SEC16A: variants seen among roughly 807,000 people sequenced by gnomAD.
The protein encoded by SEC16A is protein transport protein Sec16A.
SEC16A carries 110 observed loss-of-function variants against 221.9 expected under a neutral mutation model. The observed-to-expected ratio is 0.50, with a 90% confidence interval of 0.42 to 0.58. SEC16A has a LOEUF of 0.58. Among genes scored for constraint, SEC16A ranks in the 20% least tolerant of loss-of-function variants. SEC16A has a pLI of 0.00. For synonymous variants in SEC16A, 1,393 were observed against 1,257.7 expected, an observed-to-expected ratio of 1.11 and a Z score of -2.28; for missense variants, 3,165 against 3,097.8, an observed-to-expected ratio of 1.02 and a Z score of -0.52.
rs772266618 is a variant in SEC16A at position 136,446,966 on chromosome 9, G to A, written c.6698-17C>T. The A allele has an allele frequency of 2.6e-5, 42 of 1,613,324 alleles. No individual in the cohort carries two copies. In the South Asian group the frequency reaches 3.5e-4, roughly 13 times the overall value. On this transcript the variant is annotated splice_polypyrimidine_tract_variant and intron_variant, in intron 27 of 31. Transcript: ENST00000684901. ...CTTCTGCATCTGGGGATGAGAGAGC[G>A]AGGAGGCCATCATTCCGTCCCGAAC...
At chr9:136,445,911 T>A (rs1836909904) in intron 28 of SEC16A, among the ~76,000 whole-genome samples, 192 bp from the exon 29 acceptor site, 1 of 152,192 alleles carries the variant, frequency 6.6e-6, no homozygotes, top group African/African-American at 2.4e-5. Flanking sequence ...TCTAGACCCC[T>A]GCAGCTCTCT....
Position 136,474,345 on chromosome 9 carries a change from C to A in SEC16A, c.3271G>T (p.Gly1091Ter). 6.2e-7 allele frequency: 1 copy of A among 1,612,542 alleles called. No individual in the cohort carries two copies. The highest frequency in any genetic ancestry group is 8.5e-7 in the Non-Finnish European group (1 of 1,179,702). Reference sequence around the variant, plus strand: ...GACTGTGCTGAGTTCTGGGCCTGTCCCTGTGCGGGCAGACTTTCTGGATTT... The same window carrying A: ...GACTGTGCTGAGTTCTGGGCCTGTCACTGTGCGGGCAGACTTTCTGGATTT... Reference protein sequence around the residue: ...LSNPESLPAQGQAQNSAQSPA... With the variant: ...LSNPESLPAQ Residue 1091 changes from glycine to a stop codon, truncating the protein, a stop_gained, in exon 3 of 32, where the codon GGA becomes TGA. Coordinates refer to ENST00000684901, the MANE Select transcript of SEC16A (RefSeq NM_014866.2). LOFTEE classifies it high-confidence loss of function.
intron 23 of SEC16A, among the ~76,000 whole-genome samples, chr9:136,450,842 A>G (rs2131971783): frequency 6.6e-6 from 1 of 152,360 alleles, no homozygotes; most frequent in African/African-American, 2.4e-5. Flanking sequence ...CGCATTCGCC[A>G]ATAGATAGGC....
In SEC16A at chr9:136,445,072, C is replaced by T; in HGVS notation, c.6907G>A (p.Val2303Met). The T allele has an allele frequency of 6.2e-7, 1 of 1,607,604 alleles. No individual in the cohort carries two copies. The change falls in exon 30 of 32, where the codon GTG (valine) becomes ATG (methionine). Residue 2303 changes from valine to methionine, a missense_variant. Physicochemically the swap from Val to Met is conservative, Grantham distance 21. Coordinates refer to ENST00000684901, the MANE Select transcript of SEC16A (RefSeq NM_014866.2). ...GGTACCTGATTAAAATGCTGGCTCA[C>T]TTCACGTGATAATGAACTCATTGAA... ...CSSMSSLSRE[V>M]SQHFNQAPGD...
In SEC16A at chr9:136,475,668, C is replaced by A; in HGVS notation, c.1948G>T (p.Ala650Ser). 6.2e-7 allele frequency: 1 copy of A among 1,613,682 alleles called. No individual in the cohort carries two copies. The highest frequency in any genetic ancestry group is 8.5e-7 in the Non-Finnish European group (1 of 1,179,818). ...VRQKQCRPAA[A>S]LPDASPGNLE... Reference sequence around the variant, plus strand: ...TTGCCAGGGGAAGCATCGGGCAGGGCGGCAGCTGGTCTGCACTGCTTCTGG... The same window carrying A: ...TTGCCAGGGGAAGCATCGGGCAGGGAGGCAGCTGGTCTGCACTGCTTCTGG... The change falls in exon 3 of 32, where the codon GCC becomes TCC. Residue 650 changes from alanine (A) to serine (S), a missense_variant. Around this residue, in one of 3 missense-constraint regions of SEC16A, gnomAD observed 2,030 missense variants for 1,923.1 expected, o/e 1.06. Transcript: ENST00000684901. The surrounding 1 kb of genome is among the most constrained non-coding windows in gnomAD (Gnocchi z 5.0).
rs1156251126 is a variant in SEC16A at position 136,466,968 on chromosome 9, G to A, written c.3918C>T (p.Ala1306=). 1 of 1,613,076 alleles carries A rather than the reference G, an allele frequency of 6.2e-7. No homozygotes were observed. The highest frequency in any genetic ancestry group is 8.5e-7 in the Non-Finnish European group (1 of 1,179,666). Reference sequence around the variant, plus strand: ...GGTGCTCCACCAACCTGTCCCCGAAGGCAGAGTGCTCTCTCCTGTATGCGT... The same window carrying A: ...GGTGCTCCACCAACCTGTCCCCGAAAGCAGAGTGCTCTCTCCTGTATGCGT... ...EYDAYRREHS[A]FGDRPEKRDN... The change falls in exon 6 of 32, where the codon GCC becomes GCT. Residue 1306 remains alanine, a synonymous_variant. Transcript: ENST00000684901. The surrounding 1 kb of genome is among the most constrained non-coding windows in gnomAD (Gnocchi z 5.5).
At chr9:136,471,264 C>T (rs1209438525) in intron 4 of SEC16A, among the ~76,000 whole-genome samples, 2 of 151,482 alleles carry the variant, frequency 1.3e-5, no homozygotes, top group Non-Finnish European at 2.9e-5. Context: ...GCCAGGAGTT[C>T]GAGACCAGCC....
At position 136,476,143 on chromosome 9, in the gene SEC16A, G is replaced by T. The variant is rs765580421; in HGVS notation, c.1473C>A (p.Pro491=). The change falls in exon 3 of 32, where the codon CCC becomes CCA. Residue 491 remains proline (P), a synonymous_variant. Coordinates refer to ENST00000684901, the MANE Select transcript of SEC16A (RefSeq NM_014866.2). ...GCCTGGGCACAGCTGGCCCAGGAAG[G>T]GGCCCATATCTGAACTGGTCACTCG... is the stretch of plus-strand genomic sequence containing the variant. ...SSPSDQFRYG[P]LPGPAVPRHG... 1.1e-5 allele frequency: 17 copies of T among 1,613,840 alleles called. No individual in the cohort carries two copies. The highest frequency in any genetic ancestry group is 1.4e-5 in the Non-Finnish European group (17 of 1,179,858).
chr9:136,477,639 T>C lies in SEC16A; in HGVS notation c.-24A>G, dbSNP rs1004738852. On this transcript the variant is annotated 5_prime_UTR_variant, in exon 3 of 32. Transcript: ENST00000684901. ...ATGACTGAACCCTTGCACAAGTCGATGCTGCTTACAGAAGGAAGCAGGATA... is the reference window on the plus strand; with the variant it reads ...ATGACTGAACCCTTGCACAAGTCGACGCTGCTTACAGAAGGAAGCAGGATA... The C allele has an allele frequency of 6.3e-7, 1 of 1,576,432 alleles. No individual in the cohort carries two copies. The highest frequency in any genetic ancestry group is 1.4e-5 in the African/African-American group (1 of 73,634).
rs1841748206 is a variant in SEC16A, at chr9:136,477,104, T to C, written c.512A>G (p.His171Arg). 3 of 1,613,766 alleles carry C rather than the reference T, an allele frequency of 1.9e-6. No individual in the cohort carries two copies. The highest frequency in any genetic ancestry group is 2.5e-6 in the Non-Finnish European group (3 of 1,179,872). ...YIPGVDPETS[H>R]GGHPHGNMPG... Reference sequence around the variant, plus strand: ...CATGTTCCCATGAGGGTGGCCCCCATGAGACGTTTCAGGATCCACTCCTGG... The same window carrying C: ...CATGTTCCCATGAGGGTGGCCCCCACGAGACGTTTCAGGATCCACTCCTGG... Residue 171 changes from histidine to arginine, a missense_variant, in exon 3 of 32, where the codon CAT (histidine) becomes CGT (arginine). Around this residue, in one of 3 missense-constraint regions of SEC16A, gnomAD observed 2,030 missense variants for 1,923.1 expected, o/e 1.06. Transcript: ENST00000684901.
At position 136,447,639 on chromosome 9, in the gene SEC16A, A is replaced by G. The variant is rs1837195950; in HGVS notation, c.6489T>C (p.Thr2163=). The change falls in exon 26 of 32, where the codon ACT becomes ACC. Residue 2163 remains threonine (T), a synonymous_variant. Coordinates refer to ENST00000684901, the MANE Select transcript of SEC16A (RefSeq NM_014866.2). This position sits in a 1 kb window ranked among gnomAD's most constrained non-coding sequence, Gnocchi z 5.5. ...PPPPPTSMPK[T]VQAAPPALPG... ...GGAGGGCAGGCGGGGCAGCTTGCAC[A>G]GTCTTGGGCATCGAGGTTGGAGGTG... 3 of 1,613,272 alleles carry G rather than the reference A, an allele frequency of 1.9e-6. No individual in the cohort carries two copies. Among genetic ancestry groups the G allele is most frequent in the African/African-American group, 1.3e-5 (1 of 74,918 alleles).
intron 29 of SEC16A, 128 bp from the exon 30 acceptor site, chr9:136,445,239 G>GA (rs1423469048): frequency 4.7e-5 from 37 of 786,642 alleles, no homozygotes; most frequent in Admixed American, 7.6e-5. Flanking sequence ...ACTCAAAAGG[G>GA]AAAAAAAAGC....
rs769489004 is a variant in SEC16A at position 136,475,287 on chromosome 9, C to T, written c.2329G>A (p.Ala777Thr). The T allele has an allele frequency of 6.2e-7, 1 of 1,613,432 alleles. No homozygotes were observed. Among genetic ancestry groups the T allele is most frequent in the South Asian group, 1.1e-5 (1 of 91,076 alleles). The change falls in exon 3 of 32, where the codon GCC (alanine) becomes ACC (threonine). Residue 777 changes from alanine to threonine, a missense_variant. Transcript: ENST00000684901. This position sits in a 1 kb window ranked among gnomAD's most constrained non-coding sequence, Gnocchi z 5.0. Reference protein sequence around the residue: ...GQQSRNPSSAAPVQSRGGIGA... With the variant: ...GQQSRNPSSATPVQSRGGIGA... Reference sequence around the variant, plus strand: ...ATGCCACCTCGGCTCTGCACCGGGGCCGCCGAGCTTGGGTTCCGTGACTGC... The same window carrying T: ...ATGCCACCTCGGCTCTGCACCGGGGTCGCCGAGCTTGGGTTCCGTGACTGC...
Position 136,459,600 on chromosome 9 carries a change from G to A in SEC16A, c.5192-45C>T. On this transcript the variant is annotated intron_variant, in intron 15 of 31. Coordinates refer to ENST00000684901, the MANE Select transcript of SEC16A (RefSeq NM_014866.2). This position sits in a 1 kb window ranked among gnomAD's most constrained non-coding sequence, Gnocchi z 6.1. ...CACACGGCGGGGGCTCAGCGACCGG[G>A]AGCGCTTGCAGAAGTCAAGGACGCG... 1.3e-6 allele frequency: 2 copies of A among 1,485,158 alleles called. No individual in the cohort carries two copies. Among genetic ancestry groups the A allele is most frequent in the East Asian group, 2.4e-5 (1 of 41,142 alleles). The allele number at this position is 1,485,158 out of a possible 1,614,324, so 92.0% of individuals were successfully genotyped here.
upstream of SEC16A, chr9:136,483,061 C>T (rs1842619686): frequency 1.0e-6 from 1 of 978,752 alleles, no homozygotes; most frequent in Non-Finnish European, 1.2e-6. Context: ...TCCGCGGCCG[C>T]CGCGCCGCCG....
chr9:136,481,473 T>C (rs1842352011), intron 1 of SEC16A, among the ~76,000 whole-genome samples: 1 of 152,230 alleles, frequency 6.6e-6, no homozygotes, highest in Non-Finnish European at 1.5e-5. Flanking sequence ...AGTCATCTAA[T>C]TCTTTTATTG....
Position 136,477,524 on chromosome 9 carries a change from T to C in SEC16A, c.92A>G (p.Tyr31Cys). 1 of 1,613,668 alleles carries C rather than the reference T, an allele frequency of 6.2e-7. No homozygotes were observed. The highest frequency in any genetic ancestry group is 8.5e-7 in the Non-Finnish European group (1 of 1,179,854). The stretch of plus-strand genomic sequence containing the variant: ...TGCATTATTATTAGCCCGTCTCCTG[T>C]AAGGGCTGCTAGCCCAGAACACGCT... Reference protein sequence around the residue: ...PRSVFWASSPYRRRANNNAAV... With the variant: ...PRSVFWASSPCRRRANNNAAV... The change falls in exon 3 of 32, where the codon TAC becomes TGC. Residue 31 changes from tyrosine (Y) to cysteine (C), a missense_variant. By Grantham distance (194) the Tyr-to-Cys change is radical. Coordinates refer to ENST00000684901, the MANE Select transcript of SEC16A (RefSeq NM_014866.2).
intron 8 of SEC16A, among the ~76,000 whole-genome samples, chr9:136,464,876 C>T (rs1471211252): frequency 2.0e-5 from 3 of 152,164 alleles, no homozygotes; most frequent in Non-Finnish European, 4.4e-5. Flanking sequence ...GGCCCACTCC[C>T]GAGCTCTTCC....
upstream of SEC16A, chr9:136,484,405 C>T (rs1451513961): frequency 8.4e-7 from 1 of 1,194,788 alleles, no homozygotes. Context: ...CCTCATTTTT[C>T]GGAGGAGCCG....
Sources: allele counts gnomAD v4.1 joint callset (sites outside exome capture counted in the v4.1 genomes callset), GRCh38; gene constraint gnomAD v4.1.1; regional missense constraint gnomAD v4.1.1; non-coding constraint Gnocchi (gnomAD v3.1); transcripts MANE v1.5; gene names NCBI Gene and HGNC (gene_info 2026-07-23, HGNC 2026-07-21).